Variants in VAV1 observed in about 807,000 individuals in gnomAD.
VAV1 encodes the protein vav guanine nucleotide exchange factor 1.
VAV1 carries 33 observed loss-of-function variants against 128.1 expected under a neutral mutation model. That is an observed-to-expected ratio of 0.26 (90% CI 0.20 to 0.34). VAV1 has a LOEUF of 0.34. Ranked by LOEUF, VAV1 falls within the 10% of genes least tolerant of loss-of-function variation. VAV1 has a pLI of 1.00. For synonymous variants in VAV1, 394 were observed against 409.8 expected (o/e 0.96, Z 0.47); for missense variants, 715 against 1,093.7 (o/e 0.65, Z 4.88).
At chr19:6,814,661 T>G (rs560845488) in intron 1 of VAV1, among the ~76,000 whole-genome samples, 3 of 74,394 alleles carry the variant, frequency 4.0e-5, no homozygotes, top group African/African-American at 2.6e-4. Context: ...CCTTCCTTCC[T>G]TCCTTCCTTC....
At chr19:6,845,446 T>C (rs1972497893) in intron 22 of VAV1, among the ~76,000 whole-genome samples, 1 of 152,046 alleles carries the variant, frequency 6.6e-6, no homozygotes. Context: ...TCATACAACA[T>C]AAAATTAACC....
At chr19:6,849,715 T>C (rs1972618898) in intron 23 of VAV1, among the ~76,000 whole-genome samples, 1 of 152,164 alleles carries the variant, frequency 6.6e-6, no homozygotes, top group Admixed American at 6.5e-5. Context: ...TTAATTCATT[T>C]AGGATAATAA....
intron 1 of VAV1, among the ~76,000 whole-genome samples, chr19:6,792,857 A>G (rs2546129): frequency 0.29 from 43,700 of 151,792 alleles, 8,152 homozygotes; most frequent in African/African-American, 0.53. Flanking sequence ...TATCTATTGG[A>G]TAGAGGCCAG....
chr19:6,824,726 T>G (rs1035853838), intron 6 of VAV1, among the ~76,000 whole-genome samples: 1 of 151,976 alleles, frequency 6.6e-6, no homozygotes, highest in African/African-American at 2.4e-5. Flanking sequence ...GAGACGGGGT[T>G]TCACCATCTT....
chr19:6,807,828 T>C (rs1246307452), intron 1 of VAV1, among the ~76,000 whole-genome samples: 1 of 150,980 alleles, frequency 6.6e-6, no homozygotes, highest in African/African-American at 2.4e-5. Flanking sequence ...CCATCTCTAC[T>C]AAAAATACAA....
At chr19:6,846,448 C>T (rs1377996868) in intron 22 of VAV1, among the ~76,000 whole-genome samples, 2 of 151,118 alleles carry the variant, frequency 1.3e-5, no homozygotes, top group African/African-American at 4.9e-5. Context: ...ATTAGCTGGG[C>T]GTGGTGGTGT....
chr19:6,814,697 T>C (rs550530205), intron 1 of VAV1, among the ~76,000 whole-genome samples: 147 of 129,566 alleles, frequency 1.1e-3, no homozygotes, highest in African/African-American at 4.8e-3. Flanking sequence ...TCTTTCTTTC[T>C]TTCTTTCTTT....
intron 13 of VAV1, 138 bp from the exon 14 acceptor site, chr19:6,829,648 A>C (rs566417859): frequency 1.2e-5 from 16 of 1,283,006 alleles, no homozygotes; most frequent in Non-Finnish European, 1.8e-5. Context: ...TGAAGTCAGG[A>C]TGGACAGGTG....
At position 6,857,109 on chromosome 19, in the gene VAV1, C is replaced by T. The variant is rs1747972023; in HGVS notation, c.*2C>T. On this transcript the variant is annotated 3_prime_UTR_variant, in exon 27 of 27. Transcript: ENST00000602142. ...GAAGATTATTCTGAATACTGCTGAG[C>T]CCTGGTGCCTTGGCAGAGAGACGAG... 6.2e-7 allele frequency: 1 copy of T among 1,613,932 alleles called. No individual in the cohort carries two copies. Among genetic ancestry groups the T allele is most frequent in the Non-Finnish European group, 8.5e-7 (1 of 1,179,998 alleles).
intron 16 of VAV1, 54 bp downstream of exon 16, chr19:6,833,339 C>A: frequency 3.9e-6 from 6 of 1,538,768 alleles, no homozygotes; most frequent in Non-Finnish European, 5.3e-6. Context: ...CAGTTCCTTG[C>A]TAGAGAAGAT....
rs1480577203 is a variant in VAV1 at position 6,821,654 on chromosome 19, C to T, written c.354C>T (p.Thr118=). The T allele has an allele frequency of 1.9e-6, 3 of 1,614,142 alleles. No individual in the cohort carries two copies. Among genetic ancestry groups the T allele is most frequent in the Admixed American group, 1.7e-5 (1 of 60,014 alleles). The change falls in exon 3 of 27, where the codon ACC becomes ACT. Residue 118 remains threonine (T), a synonymous_variant. Coordinates refer to ENST00000602142, the MANE Select transcript of VAV1 (RefSeq NM_005428.4). ...ACACCCTGTCTGCTCTGTCCTGGAC[C>T]CCGATCGCCCAGAACAGGGGGATCA... ...VIYTLSALSW[T]PIAQNRGIMP...
intron 1 of VAV1, among the ~76,000 whole-genome samples, chr19:6,798,659 T>TCCCCCCC (rs113208165): frequency 5.3e-4 from 77 of 145,306 alleles, no homozygotes; most frequent in African/African-American, 9.8e-4. Context: ...TTTCTCCCCT[T>TCCCCCCC]CCCCCCCCCA....
At chr19:6,836,141 T>A in intron 19 of VAV1, 1 of 259,182 alleles carries the variant, frequency 3.9e-6, no homozygotes. Context: ...CCCAAAGTGC[T>A]GGGATTACAG....
At chr19:6,830,513 C>G (rs769197914) in intron 14 of VAV1, among the ~76,000 whole-genome samples, 47 of 151,822 alleles carry the variant, frequency 3.1e-4, no homozygotes, top group Non-Finnish European at 6.3e-4. Flanking sequence ...GGTCTTGGCT[C>G]ACTGCAACCT....
chr19:6,825,227 G>A (rs924879068), intron 7 of VAV1, 76 bp from the exon 8 acceptor site: 71 of 1,574,338 alleles, frequency 4.5e-5, no homozygotes, highest in African/African-American at 5.4e-5. Flanking sequence ...GGCATGGGGC[G>A]GGTGGATGAC....
intron 21 of VAV1, among the ~76,000 whole-genome samples, chr19:6,841,833 A>T (rs1972385401): frequency 6.6e-6 from 1 of 151,938 alleles, no homozygotes; most frequent in Non-Finnish European, 1.5e-5. Context: ...AAGGGTTCTG[A>T]TTTCTCCACA....
In VAV1 at chr19:6,777,147, A is replaced by G. The variant is rs1970661396; in HGVS notation, c.204+4136A>G. Among the ~76,000 whole-genome samples the G allele has an allele frequency of 1.3e-5, 2 of 150,864 alleles. No homozygotes were observed. Among genetic ancestry groups the G allele is most frequent in the Admixed American group, 1.3e-4 (2 of 15,104 alleles). On this transcript the variant is annotated intron_variant, in intron 1 of 26. Transcript: ENST00000602142. This position sits in a 1 kb window ranked among gnomAD's most constrained non-coding sequence, Gnocchi z 4.4. Reference sequence around the variant, plus strand: ...ATCCATCCATCCACCCATCCCATCCATCCATCCACTCATCCACCCGTCTAC... The same window carrying G: ...ATCCATCCATCCACCCATCCCATCCGTCCATCCACTCATCCACCCGTCTAC...
At position 6,829,878 on chromosome 19, in the gene VAV1, A is replaced by T. The variant is rs1307308032; in HGVS notation, c.1358A>T (p.Gln453Leu). 9 of 1,614,182 alleles carry T rather than the reference A, an allele frequency of 5.6e-6. No homozygotes were observed. The South Asian group carries it at 9.9e-5, about 18-fold the overall frequency. The change falls in exon 14 of 27, where the codon CAG (glutamine) becomes CTG (leucine). Residue 453 changes from glutamine to leucine, a missense_variant. By Grantham distance (113) the Gln-to-Leu change is moderately radical. This residue lies in a region of VAV1 where 407 missense variants were observed against 580.6 expected (regional missense o/e 0.70). Transcript: ENST00000602142. Reference sequence around the variant, plus strand: ...GACTTTGTAAACCTGCACAGCTTCCAGGTTCGGGATGACTCTTCAGGAGAC... The same window carrying T: ...GACTTTGTAAACCTGCACAGCTTCCTGGTTCGGGATGACTCTTCAGGAGAC... ...LKDFVNLHSFQVRDDSSGDRD... is the reference protein window; with the variant it reads ...LKDFVNLHSFLVRDDSSGDRD...
intron 1 of VAV1, among the ~76,000 whole-genome samples, chr19:6,793,940 T>G (rs2144718118): frequency 6.6e-6 from 1 of 152,322 alleles, no homozygotes; most frequent in Middle Eastern, 3.4e-3. Context: ...GATTGATAAA[T>G]AAATCATTGG....
Sources: allele counts gnomAD v4.1 joint callset (sites outside exome capture counted in the v4.1 genomes callset), GRCh38; gene constraint gnomAD v4.1.1; regional missense constraint gnomAD v4.1.1; non-coding constraint Gnocchi (gnomAD v3.1); transcripts MANE v1.5; gene names NCBI Gene and HGNC (gene_info 2026-07-23, HGNC 2026-07-21).